The following BBX variants were observed in gnomAD, a reference collection of about 807,000 sequenced individuals.
BBX encodes the protein HMG box transcription factor BBX.
BBX carries 30 observed loss-of-function variants against 100.2 expected under a neutral mutation model. That is an observed-to-expected ratio of 0.30 (90% CI 0.22 to 0.41). The LOEUF (loss-of-function observed/expected upper bound fraction) is 0.41, where lower values mean the gene tolerates loss of function less well. Ranked by LOEUF, BBX falls within the 10% of genes least tolerant of loss-of-function variation. The probability of loss-of-function intolerance (pLI) is 1.00; values close to 1 mark genes in which losing one functional copy is unlikely to be tolerated. For synonymous variants in BBX, 376 were observed against 388.1 expected, an observed-to-expected ratio of 0.97 and a Z score of 0.37; for missense variants, 1,023 against 1,129.8, an observed-to-expected ratio of 0.91 and a Z score of 1.35.
At chr3:107,770,179 T>C (rs932288385) in intron 10 of BBX, among the ~76,000 whole-genome samples, 1 of 152,180 alleles carries the variant, frequency 6.6e-6, no homozygotes, top group Admixed American at 6.5e-5. Context: ...TCAGGGGTGA[T>C]GAGAGAATCA....
In BBX at chr3:107,759,387, ATTCAT is replaced by A. The variant is rs565697512; in HGVS notation, c.906+3712_906+3716del. On this transcript the variant is annotated intron_variant, in intron 10 of 17. Coordinates refer to ENST00000325805, the MANE Select transcript of BBX (RefSeq NM_001142568.3). ...TGAAGTTCATACTGTTCAGTTTATC[ATTCAT>A]TTAAGTTGTGCAGGTACTATAAGGT... Among the ~76,000 whole-genome samples, 527 of 152,298 alleles carry A rather than the reference ATTCAT, an allele frequency of 3.5e-3. 2 individuals are homozygous for A. Among genetic ancestry groups the A allele is most frequent in the African/African-American group, 0.012 (508 of 41,566 alleles).
Position 107,732,986 on chromosome 3 carries a change from TGCTGTTA to T in BBX, c.637_643del (p.Leu213GlufsTer75). The T allele has an allele frequency of 6.2e-7, 1 of 1,613,356 alleles. No homozygotes were observed. Among genetic ancestry groups the T allele is most frequent in the Non-Finnish European group, 8.5e-7 (1 of 1,179,662 alleles). ...ACTCAAATGGGAGGCCTGAGTATGC[TGCTGTTA>T]GCTGGAGAACATGCTCTTGGCACAC... On this transcript the variant is annotated frameshift_variant, in exon 7 of 18. Coordinates refer to ENST00000325805, the MANE Select transcript of BBX (RefSeq NM_001142568.3). LOFTEE classifies it high-confidence loss of function.
intron 2 of BBX, among the ~76,000 whole-genome samples, chr3:107,560,827 C>A (rs922109379): frequency 2.0e-5 from 3 of 152,042 alleles, no homozygotes; most frequent in Admixed American, 6.6e-5. Context: ...TCGGGAATAG[C>A]TAGGAGGGAG....
At chr3:107,732,447 A>G (rs1201680993) in intron 6 of BBX, among the ~76,000 whole-genome samples, 2 of 152,204 alleles carry the variant, frequency 1.3e-5, no homozygotes, top group African/African-American at 2.4e-5. Flanking sequence ...AACTGTAAAG[A>G]AAGATTATTT....
At chr3:107,762,901 T>C (rs1441069802) in intron 10 of BBX, among the ~76,000 whole-genome samples, 2 of 152,130 alleles carry the variant, frequency 1.3e-5, no homozygotes, top group African/African-American at 4.8e-5. Flanking sequence ...AGTTCTGCCA[T>C]GACCTCACAA....
At chr3:107,722,937 C>T (rs1283185799) in intron 5 of BBX, among the ~76,000 whole-genome samples, 2 of 151,862 alleles carry the variant, frequency 1.3e-5, no homozygotes, top group African/African-American at 2.4e-5. Context: ...AATTTCTGCT[C>T]GTGGATGGGA....
chr3:107,555,420 A>G (rs1361428851), intron 2 of BBX, among the ~76,000 whole-genome samples: 1 of 152,216 alleles, frequency 6.6e-6, no homozygotes, highest in Non-Finnish European at 1.5e-5. Context: ...TTGGGTCATT[A>G]AGACCCAGAA....
intron 6 of BBX, among the ~76,000 whole-genome samples, chr3:107,731,834 A>G (rs1262729899): frequency 6.6e-6 from 1 of 152,122 alleles, no homozygotes; most frequent in African/African-American, 2.4e-5. Flanking sequence ...GAAACAACTG[A>G]ATTTCTTTGT....
rs1048561572 is a variant in BBX, at chr3:107,809,811, T to G, written c.*4354T>G. On this transcript the variant is annotated 3_prime_UTR_variant, in exon 18 of 18. Transcript: ENST00000325805. ...CACCTTATAAAAAGTATACTAATTG[T>G]TAATTAGATGTTGCTTTTGTTTATA... 5.9e-5 allele frequency: 9 copies of G among 152,242 alleles called. No individual in the cohort carries two copies. The highest frequency in any genetic ancestry group is 4.1e-4 in the South Asian group (2 of 4,830). The allele number at this position is 152,242 out of a possible 1,614,324, so 9.4% of individuals were successfully genotyped here.
At chr3:107,621,715 A>G (rs1380324317) in intron 2 of BBX, among the ~76,000 whole-genome samples, 2 of 152,148 alleles carry the variant, frequency 1.3e-5, no homozygotes, top group Non-Finnish European at 2.9e-5. Flanking sequence ...GGTTTTGTAT[A>G]TACAGTTAAA....
At chr3:107,601,794 A>C (rs1284880381) in intron 2 of BBX, among the ~76,000 whole-genome samples, 5 of 152,258 alleles carry the variant, frequency 3.3e-5, no homozygotes, top group African/African-American at 1.2e-4. Context: ...AGGCAGCTAC[A>C]CTAAACAACA....
At chr3:107,643,477 C>T (rs1273799649) in intron 2 of BBX, among the ~76,000 whole-genome samples, 1 of 151,912 alleles carries the variant, frequency 6.6e-6, no homozygotes, top group Admixed American at 6.6e-5. Context: ...CCTAGCGAGG[C>T]AGTGGAGCTA....
At chr3:107,637,790 C>T (rs971958356) in intron 2 of BBX, among the ~76,000 whole-genome samples, 2 of 152,202 alleles carry the variant, frequency 1.3e-5, no homozygotes, top group African/African-American at 2.4e-5. Flanking sequence ...CTGGGTCCTA[C>T]TTGGCGTCAG....
chr3:107,742,543 T>C (rs1419150327), intron 7 of BBX, among the ~76,000 whole-genome samples: 1 of 152,188 alleles, frequency 6.6e-6, no homozygotes, highest in African/African-American at 2.4e-5. Context: ...CATGGTCCAC[T>C]AGAGTAAAAT....
intron 2 of BBX, among the ~76,000 whole-genome samples, chr3:107,596,984 T>C (rs2053708570): frequency 6.6e-6 from 1 of 152,188 alleles, no homozygotes. Context: ...CTTTAAACTT[T>C]TTTACTCCTG....
chr3:107,642,799 C>G (rs2057296426), intron 2 of BBX, among the ~76,000 whole-genome samples: 1 of 148,686 alleles, frequency 6.7e-6, no homozygotes, highest in African/African-American at 2.4e-5. Context: ...TCATGCCCAG[C>G]AGTTTTTTTT....
chr3:107,551,345 G>A (rs1483277304), intron 2 of BBX, among the ~76,000 whole-genome samples: 2 of 152,166 alleles, frequency 1.3e-5, no homozygotes, highest in African/African-American at 4.8e-5. Context: ...AATTCTTTAT[G>A]ATCATCAGTG....
intron 2 of BBX, among the ~76,000 whole-genome samples, chr3:107,598,415 C>G (rs1341709715): frequency 6.6e-6 from 1 of 152,150 alleles, no homozygotes; most frequent in African/African-American, 2.4e-5. Flanking sequence ...CCCTTTATAT[C>G]TTGTGCTAGT....
At chr3:107,617,474 A>G (rs573203405) in intron 2 of BBX, among the ~76,000 whole-genome samples, 49 of 152,104 alleles carry the variant, frequency 3.2e-4, no homozygotes, top group Middle Eastern at 3.4e-3. Context: ...GAGAATTGCC[A>G]TCTTCGCTAT....
Sources: allele counts gnomAD v4.1 joint callset (sites outside exome capture counted in the v4.1 genomes callset), GRCh38; gene constraint gnomAD v4.1.1; transcripts MANE v1.5; gene names NCBI Gene and HGNC (gene_info 2026-07-23, HGNC 2026-07-21).